The following PPP2R2C variants were observed in gnomAD, a reference collection of about 807,000 sequenced individuals.
PPP2R2C encodes the protein protein phosphatase 2, regulatory subunit B, gamma.
Under a neutral mutation model 45.3 loss-of-function variants are expected in PPP2R2C, and 10 were observed. The observed-to-expected ratio is 0.22, with a 90% CI of 0.14 to 0.37. The LOEUF (loss-of-function observed/expected upper bound fraction) is 0.37. Ranked by LOEUF, PPP2R2C falls within the 10% of genes least tolerant of loss-of-function variation. The pLI, the probability that PPP2R2C is intolerant of heterozygous loss-of-function variation, is 1.00. For missense variants in PPP2R2C, 308 were observed against 619.7 expected, an observed-to-expected ratio of 0.50 and a Z score of 5.34; for synonymous variants, 257 against 245.4, an observed-to-expected ratio of 1.05 and a Z score of -0.44.
intron 6 of PPP2R2C, among the ~76,000 whole-genome samples, chr4:6,346,100 C>T (rs1378140161): frequency 2.0e-5 from 3 of 152,180 alleles, no homozygotes; most frequent in African/African-American, 4.8e-5. Flanking sequence ...CCAGAGGGGG[C>T]AGCCAGGTGA....
intron 8 of PPP2R2C, among the ~76,000 whole-genome samples, chr4:6,325,196 T>G (rs563673796): frequency 6.6e-6 from 1 of 152,246 alleles, no homozygotes; most frequent in South Asian, 2.1e-4. Context: ...AGAACTGGGA[T>G]CAACAAGGGA....
At position 6,469,613 on chromosome 4, in the gene PPP2R2C, C is replaced by T. The variant is rs1721759607; in HGVS notation, c.70+2547G>A. 1.3e-5 allele frequency among the ~76,000 whole-genome samples: 2 copies of T among 152,120 alleles called. 1 individual carries two copies. Among genetic ancestry groups the T allele is most frequent in the South Asian group, 4.1e-4 (2 of 4,826 alleles). ...ATCCCAGCAACCCTGTATGAAAGGT[C>T]GTTATTATTTCTCCCTTTACAAAGG... On this transcript the variant is annotated intron_variant, in intron 1 of 8. Coordinates refer to ENST00000382599, the MANE Select transcript of PPP2R2C (RefSeq NM_020416.4).
intron 1 of PPP2R2C, among the ~76,000 whole-genome samples, chr4:6,429,176 T>G (rs1160682398): frequency 6.6e-6 from 1 of 152,200 alleles, no homozygotes; most frequent in Non-Finnish European, 1.5e-5. Context: ...GTTTTGCCCA[T>G]GGGCTGTAGC....
chr4:6,555,151 G>A (rs564084147), intron 1 of PPP2R2C, among the ~76,000 whole-genome samples: 37 of 152,084 alleles, frequency 2.4e-4, no homozygotes, highest in African/African-American at 7.2e-4. Context: ...TATCTGCCTC[G>A]GCCTCTTTTA....
At chr4:6,394,797 G>A (rs554641025) in intron 1 of PPP2R2C, among the ~76,000 whole-genome samples, 38 of 152,356 alleles carry the variant, frequency 2.5e-4, no homozygotes, top group Middle Eastern at 3.4e-3. Flanking sequence ...GACCCCAGCC[G>A]GCAGGCGGGC....
intron 1 of PPP2R2C, among the ~76,000 whole-genome samples, chr4:6,426,935 A>T (rs940313728): frequency 6.6e-6 from 1 of 152,242 alleles, no homozygotes; most frequent in Non-Finnish European, 1.5e-5. Flanking sequence ...CAACATGGGG[A>T]GGAACCAATT....
intron 1 of PPP2R2C, chr4:6,384,231 T>A: frequency 1.0e-6 from 1 of 985,412 alleles, no homozygotes. Flanking sequence ...CGCTGGTTCT[T>A]GCTATTTCAT....
chr4:6,383,656 G>C (rs938154575), intron 1 of PPP2R2C: 15 of 512,930 alleles, frequency 2.9e-5, no homozygotes, highest in Admixed American at 4.4e-5. Flanking sequence ...CCTCATACAG[G>C]ACACCCTGAC....
chr4:6,418,836 C>T (rs1718774706), intron 1 of PPP2R2C, among the ~76,000 whole-genome samples: 1 of 152,190 alleles, frequency 6.6e-6, no homozygotes, highest in South Asian at 2.1e-4. Context: ...AAGCAAATCT[C>T]CCCCGAGCTC....
chr4:6,395,595 C>T (rs961672695), intron 1 of PPP2R2C, among the ~76,000 whole-genome samples: 1 of 152,186 alleles, frequency 6.6e-6, no homozygotes. Flanking sequence ...GGACCCCCCA[C>T]AGCGGGGGCT....
intron 8 of PPP2R2C, among the ~76,000 whole-genome samples, chr4:6,326,385 G>A (rs1286426344): frequency 1.3e-5 from 2 of 152,150 alleles, no homozygotes; most frequent in African/African-American, 2.4e-5. Flanking sequence ...AGCAAGTGTA[G>A]GTGTGTTTGA....
intron 6 of PPP2R2C, among the ~76,000 whole-genome samples, chr4:6,340,938 C>T (rs1488873370): frequency 6.6e-6 from 1 of 152,258 alleles, no homozygotes; most frequent in Non-Finnish European, 1.5e-5. Flanking sequence ...GGAGCTTTGC[C>T]CTGGTCCTGC....
At chr4:6,453,503 G>A (rs371039913) in intron 1 of PPP2R2C, among the ~76,000 whole-genome samples, 2 of 142,232 alleles carry the variant, frequency 1.4e-5, no homozygotes, top group African/African-American at 5.1e-5. Context: ...CCCAGGGGCA[G>A]ACACATGGTG....
chr4:6,349,105 G>T, intron 5 of PPP2R2C: 1 of 985,310 alleles, frequency 1.0e-6, no homozygotes, highest in Non-Finnish European at 1.2e-6. Context: ...TGGCACCCCC[G>T]AGCTTCTCTC....
At chr4:6,338,026 A>T (rs1008214009) in intron 6 of PPP2R2C, among the ~76,000 whole-genome samples, 3 of 152,076 alleles carry the variant, frequency 2.0e-5, no homozygotes, top group Admixed American at 1.3e-4. Flanking sequence ...GTACGCACGC[A>T]AACACACACA....
intron 1 of PPP2R2C, among the ~76,000 whole-genome samples, chr4:6,552,026 C>T (rs769132184): frequency 2.6e-5 from 4 of 152,206 alleles, no homozygotes; most frequent in Non-Finnish European, 5.9e-5. Flanking sequence ...GAAGATGAGA[C>T]AAGTGGCAGC....
chr4:6,391,662 G>A (rs750235154), intron 1 of PPP2R2C, among the ~76,000 whole-genome samples: 10 of 152,342 alleles, frequency 6.6e-5, no homozygotes, highest in East Asian at 1.9e-4. Context: ...GTCCCAAGAC[G>A]TGCCTGTGAC....
At chr4:6,527,115 C>A (rs1051773665) in intron 2 of PPP2R2C, among the ~76,000 whole-genome samples, 1 of 135,838 alleles carries the variant, frequency 7.4e-6, no homozygotes, top group African/African-American at 2.6e-5. Flanking sequence ...GCAGCCTCAG[C>A]CACCCTGAGC....
intron 5 of PPP2R2C, among the ~76,000 whole-genome samples, chr4:6,371,958 T>C (rs572333759): frequency 6.6e-6 from 1 of 152,268 alleles, no homozygotes; most frequent in African/African-American, 2.4e-5. Context: ...ACCAGCTCTC[T>C]TCCCAGCAGT....
Sources: allele counts gnomAD v4.1 joint callset (sites outside exome capture counted in the v4.1 genomes callset), GRCh38; gene constraint gnomAD v4.1.1; transcripts MANE v1.5; gene names NCBI Gene and HGNC (gene_info 2026-07-23, HGNC 2026-07-21).